PDE1C: variants seen among roughly 807,000 people sequenced by gnomAD.
PDE1C encodes the protein phosphodiesterase 1C, also known as dual specificity calcium/calmodulin-dependent 3',5'-cyclic nucleotide phosphodiesterase 1C.
PDE1C carries 62 observed loss-of-function variants against 93.1 expected under a neutral mutation model. That is an observed-to-expected ratio of 0.67 (90% CI 0.54 to 0.82). PDE1C has a LOEUF of 0.82. Ranked by LOEUF, PDE1C falls within the 40% of genes least tolerant of loss-of-function variation. PDE1C has a pLI of 0.00. For synonymous variants in PDE1C, 325 were observed against 310.1 expected (o/e 1.05, Z -0.50); for missense variants, 742 against 884.6 (o/e 0.84, Z 2.04).
chr7:31,652,706 C>G, the PDE1C span: 4 of 1,613,994 alleles, frequency 2.5e-6, no homozygotes, highest in Non-Finnish European at 3.4e-6. Context: ...TGGCTGCCTT[C>G]ACTCCACCCA....
intron 1 of PDE1C, among the ~76,000 whole-genome samples, chr7:32,333,055 C>T (rs1292411556): frequency 6.6e-6 from 1 of 151,708 alleles, no homozygotes; most frequent in Non-Finnish European, 1.5e-5. Context: ...AAAATGTACC[C>T]AAAACACTTA....
At chr7:31,898,883 A>C (rs1234774090) in intron 2 of PDE1C, among the ~76,000 whole-genome samples, 1 of 152,178 alleles carries the variant, frequency 6.6e-6, no homozygotes, top group Non-Finnish European at 1.5e-5. Flanking sequence ...GAAATTTTGG[A>C]AAGGGCAGAA....
chr7:32,008,192 C>T (rs1786534787), intron 2 of PDE1C, among the ~76,000 whole-genome samples: 1 of 152,180 alleles, frequency 6.6e-6, no homozygotes. Flanking sequence ...GTGGCATTTG[C>T]ATCAAGCCCC....
chr7:32,037,161 A>G (rs1462992280), intron 2 of PDE1C, among the ~76,000 whole-genome samples: 1 of 152,100 alleles, frequency 6.6e-6, no homozygotes, highest in Non-Finnish European at 1.5e-5. Context: ...AGGAGTCTTT[A>G]TTTTCCCTGA....
chr7:32,355,352 C>T (rs1052559237), intron 1 of PDE1C, among the ~76,000 whole-genome samples: 7 of 152,222 alleles, frequency 4.6e-5, no homozygotes, highest in African/African-American at 1.7e-4. Flanking sequence ...AGAAAACACG[C>T]AGCCCTGCCC....
chr7:31,711,089 T>C, the PDE1C span, among the ~76,000 whole-genome samples: 1 of 152,294 alleles, frequency 6.6e-6, no homozygotes, highest in East Asian at 1.9e-4. Context: ...GAAGACTTCC[T>C]GAGAAGGAAC....
chr7:32,367,183 G>A (rs1425228396), intron 1 of PDE1C, among the ~76,000 whole-genome samples: 2 of 152,148 alleles, frequency 1.3e-5, no homozygotes, highest in African/African-American at 2.4e-5. Flanking sequence ...GAATGCTCAA[G>A]GGAGTCCTAC....
intron 1 of PDE1C, among the ~76,000 whole-genome samples, chr7:32,070,005 C>T (rs955810803): frequency 6.6e-6 from 1 of 152,140 alleles, no homozygotes; most frequent in Admixed American, 6.5e-5. Context: ...TCAGAAACAC[C>T]TCATTGAGTA....
At chr7:31,629,043 A>T in the PDE1C span, among the ~76,000 whole-genome samples, 1 of 152,206 alleles carries the variant, frequency 6.6e-6, no homozygotes, top group East Asian at 1.9e-4. Flanking sequence ...ACAAAATTTG[A>T]AACCTATCTA....
chr7:32,304,537 T>C (rs1585098302), intron 1 of PDE1C, among the ~76,000 whole-genome samples: 2 of 152,242 alleles, frequency 1.3e-5, no homozygotes, highest in African/African-American at 4.8e-5. Flanking sequence ...CCATAGCAAA[T>C]AGGTTAATAA....
the PDE1C span, among the ~76,000 whole-genome samples, chr7:31,733,719 G>A: frequency 3.3e-5 from 5 of 152,214 alleles, no homozygotes; most frequent in Non-Finnish European, 7.3e-5. Flanking sequence ...TTTCAGCCGG[G>A]CACAGTGGCT....
chr7:32,092,578 CA>C (rs1174538349), intron 3 of PDE1C, among the ~76,000 whole-genome samples: 1 of 152,194 alleles, frequency 6.6e-6, no homozygotes, highest in African/African-American at 2.4e-5. Flanking sequence ...TGAACACAAT[CA>C]AGAGTGAATC....
At chr7:32,056,655 G>A (rs1370538180) in intron 1 of PDE1C, among the ~76,000 whole-genome samples, 8 of 152,178 alleles carry the variant, frequency 5.3e-5, no homozygotes, top group Admixed American at 1.3e-4. Context: ...TTAGCATAGT[G>A]CTGGGCATCC....
chr7:32,267,574 A>T (rs202218685), intron 1 of PDE1C, among the ~76,000 whole-genome samples: 7,973 of 86,366 alleles, frequency 0.092, 324 homozygotes, highest in Admixed American at 0.13. Flanking sequence ...TCTCTCTCTC[A>T]CACACACACA....
At position 31,851,890 on chromosome 7, in the gene PDE1C, GT is replaced by G. The variant is rs1793385070; in HGVS notation, c.751-1150del. ...AAAAGTTAGAGAGCTTCTGCACTCA[GT>G]TTGCTTCATGCACATCTTTAAGTTC... is the stretch of plus-strand genomic sequence containing the variant. On this transcript the variant is annotated intron_variant, in intron 7 of 17. Transcript: ENST00000396191. Among the ~76,000 whole-genome samples the G allele has an allele frequency of 3.3e-5, 5 of 152,172 alleles. No individual in the cohort carries two copies. The South Asian group carries it at 1.0e-3, about 32-fold the overall frequency.
intron 1 of PDE1C, among the ~76,000 whole-genome samples, chr7:32,340,747 C>G (rs1278994416): frequency 6.6e-6 from 1 of 151,944 alleles, no homozygotes; most frequent in Non-Finnish European, 1.5e-5. Context: ...TATGAAAATG[C>G]TAAATACTAT....
At chr7:31,846,233 C>CTTTT (rs371624212) in intron 9 of PDE1C, among the ~76,000 whole-genome samples, 1 of 129,964 alleles carries the variant, frequency 7.7e-6, no homozygotes, top group Non-Finnish European at 1.6e-5. Context: ...CTTTTTTTTT[C>CTTTT]TTTTTTTTTT....
chr7:32,408,510 C>T (rs1013480001), intron 1 of PDE1C, among the ~76,000 whole-genome samples: 4 of 152,178 alleles, frequency 2.6e-5, no homozygotes, highest in Non-Finnish European at 4.4e-5. Flanking sequence ...ATTAAAGGGC[C>T]GGGCACGGTG....
chr7:31,848,410 T>C (rs948526155), intron 8 of PDE1C, among the ~76,000 whole-genome samples: 1 of 152,190 alleles, frequency 6.6e-6, no homozygotes, highest in Non-Finnish European at 1.5e-5. Flanking sequence ...ATATGGGTCA[T>C]GTCAAACTTC....
Sources: allele counts gnomAD v4.1 joint callset (sites outside exome capture counted in the v4.1 genomes callset), GRCh38; gene constraint gnomAD v4.1.1; transcripts MANE v1.5; gene names NCBI Gene and HGNC (gene_info 2026-07-23, HGNC 2026-07-21).